Variants in COL4A4 observed in about 807,000 individuals in gnomAD.
The protein encoded by COL4A4 is collagen alpha-4(IV) chain.
In COL4A4, 105 loss-of-function variants were observed where a neutral mutation model predicts 192.9. The ratio of observed to expected loss-of-function variants is 0.54; its 90% CI spans 0.46 to 0.64. The LOEUF (loss-of-function observed/expected upper bound fraction) is 0.64. COL4A4 is among the 30% of genes least tolerant of loss of function. The pLI is 0.00. For synonymous variants in COL4A4, 762 were observed against 769.9 expected, an observed-to-expected ratio of 0.99 and a Z score of 0.17; for missense variants, 1,967 against 2,169.3, an observed-to-expected ratio of 0.91 and a Z score of 1.85.
intron 26 of COL4A4, among the ~76,000 whole-genome samples, chr2:227,061,773 T>A (rs1321016316): frequency 6.6e-6 from 1 of 152,206 alleles, no homozygotes; most frequent in Non-Finnish European, 1.5e-5. Flanking sequence ...AAATAAGTGA[T>A]TGATTCAAAT....
At chr2:226,994,850 C>T in the COL4A4 span, among the ~76,000 whole-genome samples, 3 of 152,308 alleles carry the variant, frequency 2.0e-5, no homozygotes, top group African/African-American at 4.8e-5. Context: ...TTTCCACAGT[C>T]CTTCATATGA....
intron 25 of COL4A4, 115 bp downstream of exon 25, chr2:227,077,779 G>T: frequency 1.1e-6 from 1 of 939,494 alleles, no homozygotes; most frequent in Non-Finnish European, 1.6e-6. Flanking sequence ...TACACTACTC[G>T]GGTGACAGGT....
At chr2:227,140,814 C>T (rs956006092) in intron 3 of COL4A4, among the ~76,000 whole-genome samples, 5 of 150,996 alleles carry the variant, frequency 3.3e-5, no homozygotes, top group African/African-American at 1.2e-4. Flanking sequence ...AACTCCTGAA[C>T]TTGAATAATT....
At chr2:227,062,651 G>T in intron 25 of COL4A4, 53 bp from the exon 26 acceptor site, 1 of 1,241,636 alleles carries the variant, frequency 8.1e-7, no homozygotes, top group Non-Finnish European at 1.2e-6. Context: ...CCAGTGCAAT[G>T]TGAGTCTGTC....
At chr2:227,012,586 G>C (rs1963985607) in intron 44 of COL4A4, among the ~76,000 whole-genome samples, 1 of 139,554 alleles carries the variant, frequency 7.2e-6, no homozygotes, top group Non-Finnish European at 1.5e-5. Flanking sequence ...GAGGTGTTGA[G>C]AGACAGGTTT....
At chr2:227,041,114 G>A (rs372354381) in intron 37 of COL4A4, among the ~76,000 whole-genome samples, 3 of 152,030 alleles carry the variant, frequency 2.0e-5, no homozygotes, top group South Asian at 2.1e-4. Context: ...GCACCTTATT[G>A]TTTTCTCTTC....
the COL4A4 span, among the ~76,000 whole-genome samples, chr2:226,967,884 T>G: frequency 6.6e-6 from 1 of 152,112 alleles, no homozygotes; most frequent in African/African-American, 2.4e-5. Flanking sequence ...GGCACAGGAC[T>G]GTCCTGTACA....
chr2:227,101,571 C>G lies in COL4A4; in HGVS notation c.976-14G>C, dbSNP rs886977835. 8.9e-6 allele frequency: 14 copies of G among 1,577,872 alleles called. 1 individual carries two copies. The highest frequency in any genetic ancestry group is 1.7e-4 in the Middle Eastern group (1 of 6,022). ...TCCTAGTTCTCCCTACAAACAAGCA[C>G]AAACATGCCTTAAAAAAAAAAAGTG... On this transcript the variant is annotated splice_polypyrimidine_tract_variant and intron_variant, in intron 16 of 47. Transcript: ENST00000396625.
chr2:227,113,084 G>A (rs570773404), intron 8 of COL4A4, among the ~76,000 whole-genome samples: 1 of 152,268 alleles, frequency 6.6e-6, no homozygotes, highest in Admixed American at 6.5e-5. Context: ...TCCAGAAGTG[G>A]AATTGCTGGA....
the COL4A4 span, among the ~76,000 whole-genome samples, chr2:226,967,481 C>G: frequency 6.6e-6 from 1 of 150,876 alleles, no homozygotes; most frequent in Non-Finnish European, 1.5e-5. Flanking sequence ...TGTGCTGCAC[C>G]CATTAACTCG....
At chr2:227,050,234 G>T in intron 33 of COL4A4, 103 bp from the exon 34 acceptor site, 2 of 1,043,190 alleles carry the variant, frequency 1.9e-6, no homozygotes, top group Non-Finnish European at 3.0e-6. Context: ...TTTGGTTTTT[G>T]TAATCTGCAG....
chr2:227,141,571 T>C (rs193141305), intron 3 of COL4A4, among the ~76,000 whole-genome samples: 57 of 152,284 alleles, frequency 3.7e-4, no homozygotes, highest in Admixed American at 1.3e-3. Flanking sequence ...AAAAATATGC[T>C]CAGACACAAT....
the COL4A4 span, among the ~76,000 whole-genome samples, chr2:226,993,244 T>G: frequency 6.6e-6 from 1 of 152,170 alleles, no homozygotes; most frequent in South Asian, 2.1e-4. Context: ...GAGGACTCTG[T>G]GTTTCCCTCT....
At chr2:227,023,441 C>CA (rs60646267) in intron 43 of COL4A4, among the ~76,000 whole-genome samples, 1,510 of 124,242 alleles carry the variant, frequency 0.012, 36 homozygotes, top group African/African-American at 0.039. Context: ...GATTCCATCT[C>CA]AAAAAAAAAA....
At chr2:227,054,834 G>A in intron 30 of COL4A4, 97 bp from the exon 31 acceptor site, 1 of 1,354,160 alleles carries the variant, frequency 7.4e-7, no homozygotes, top group Non-Finnish European at 1.0e-6. Flanking sequence ...CTGTCACCCA[G>A]GCTGAAGTGC....
the COL4A4 span, among the ~76,000 whole-genome samples, chr2:226,974,794 C>T: frequency 6.6e-6 from 1 of 152,180 alleles, no homozygotes; most frequent in Non-Finnish European, 1.5e-5. Flanking sequence ...TGCTGAGAGT[C>T]GTGAACCATA....
intron 25 of COL4A4, among the ~76,000 whole-genome samples, chr2:227,068,304 T>C (rs1027814488): frequency 1.3e-5 from 2 of 152,146 alleles, no homozygotes; most frequent in Non-Finnish European, 2.9e-5. Context: ...GAGGAACTGG[T>C]ACCATTCCTT....
the COL4A4 span, among the ~76,000 whole-genome samples, chr2:226,989,382 G>A: frequency 2.0e-5 from 3 of 152,164 alleles, no homozygotes; most frequent in Admixed American, 6.5e-5. Context: ...GTTGGGTAAC[G>A]GGGTATAGTA....
intron 37 of COL4A4, among the ~76,000 whole-genome samples, chr2:227,037,273 C>G (rs1228407790): frequency 6.6e-6 from 1 of 152,142 alleles, no homozygotes; most frequent in African/African-American, 2.4e-5. Context: ...GTGTGATATT[C>G]CTCTCCCTAT....
Sources: gnomAD v4.1 joint callset for allele counts (sites outside exome capture counted in the v4.1 genomes callset) on GRCh38, gnomAD v4.1.1 for gene constraint, MANE v1.5 for transcripts, NCBI Gene and HGNC (gene_info 2026-07-23, HGNC 2026-07-21) for gene names.